Variants in NPL observed in about 807,000 individuals in gnomAD.
NPL encodes the protein N-acetylneuraminate lyase.
In NPL, 32 loss-of-function variants were observed where a neutral mutation model predicts 41.1. That is an observed-to-expected ratio of 0.78 (90% CI 0.59 to 1.05). The LOEUF (loss-of-function observed/expected upper bound fraction) is 1.05, where lower values mean the gene tolerates loss of function less well. Ranked by LOEUF, NPL falls within the 50% of genes least tolerant of loss-of-function variation. The probability of loss-of-function intolerance (pLI) is 0.00; values close to 1 mark genes in which losing one functional copy is unlikely to be tolerated. For missense variants in NPL, 321 were observed against 378.4 expected (o/e 0.85, Z 1.26); for synonymous variants, 128 against 134.9 (o/e 0.95, Z 0.35).
Position 182,828,225 on chromosome 1 carries a change from C to G in NPL, c.779-499C>G, listed in dbSNP as rs1024833152. Among the ~76,000 whole-genome samples, 1 of 152,166 alleles carries G rather than the reference C, an allele frequency of 6.6e-6. No individual in the cohort carries two copies. Among genetic ancestry groups the G allele is most frequent in the Non-Finnish European group, 1.5e-5 (1 of 68,026 alleles). ...AAGGCTTCATTTTCCATTCCCATCC[C>G]AGCCGTATAACACCAGCATGAAAAC... On this transcript the variant is annotated intron_variant, in intron 12 of 12. Transcript: ENST00000367553. The surrounding 1 kb of genome is among the most constrained non-coding windows in gnomAD (Gnocchi z 4.0).
chr1:182,816,052 T>C (rs1252356491), intron 7 of NPL, among the ~76,000 whole-genome samples: 1 of 152,226 alleles, frequency 6.6e-6, no homozygotes, highest in Non-Finnish European at 1.5e-5. Flanking sequence ...GTACATAAAA[T>C]TCTCCTATTA....
intron 4 of NPL, among the ~76,000 whole-genome samples, chr1:182,805,076 G>A (rs1666966097): frequency 6.6e-6 from 1 of 152,176 alleles, no homozygotes; most frequent in African/African-American, 2.4e-5. Context: ...GCCACCATAT[G>A]CATGAGACCT....
chr1:182,793,722 T>C (rs1666579065), intron 2 of NPL, among the ~76,000 whole-genome samples: 1 of 152,150 alleles, frequency 6.6e-6, no homozygotes, highest in Non-Finnish European at 1.5e-5. Context: ...GACAGGCTTG[T>C]TTTAGGTGAG....
At chr1:182,826,647 C>T (rs916909522) in intron 12 of NPL, 1 of 152,134 alleles carries the variant, frequency 6.6e-6, no homozygotes, top group Non-Finnish European at 1.5e-5. Context: ...TGTGTGCTGC[C>T]AGTGCTATGA....
chr1:182,800,055 C>G (rs139902998), intron 3 of NPL, among the ~76,000 whole-genome samples: 32 of 152,240 alleles, frequency 2.1e-4, no homozygotes, highest in African/African-American at 7.0e-4. Context: ...TCCATTCTCT[C>G]TAGTGACTTC....
At chr1:182,810,040 C>G (rs1667131490) in intron 5 of NPL, 1 of 152,156 alleles carries the variant, frequency 6.6e-6, no homozygotes, top group African/African-American at 2.4e-5. Context: ...CTGATCATGT[C>G]ACTTCTCAGC....
chr1:182,816,927 G>A, intron 8 of NPL, 121 bp downstream of exon 8: 1 of 743,836 alleles, frequency 1.3e-6, no homozygotes, highest in Non-Finnish European at 2.4e-6. Flanking sequence ...ACCACTGACT[G>A]GGCAGTTCCA....
intron 3 of NPL, among the ~76,000 whole-genome samples, chr1:182,799,186 G>A (rs1666762890): frequency 6.6e-6 from 1 of 152,190 alleles, no homozygotes; most frequent in South Asian, 2.1e-4. Context: ...TCTACCTGCA[G>A]TTTCACAATC....
chr1:182,803,090 T>C (rs776622985), intron 3 of NPL, among the ~76,000 whole-genome samples: 1 of 152,196 alleles, frequency 6.6e-6, no homozygotes, highest in Non-Finnish European at 1.5e-5. Flanking sequence ...CTTATAATAT[T>C]AAGATTGACT....
At chr1:182,819,438 C>G (rs866009119) in intron 10 of NPL, among the ~76,000 whole-genome samples, 1 of 150,124 alleles carries the variant, frequency 6.7e-6, no homozygotes, top group Non-Finnish European at 1.5e-5. Flanking sequence ...AAGAGTGAAA[C>G]TCCATCTCAA....
Position 182,826,037 on chromosome 1 carries a change from C to G in NPL, c.778+217C>G. 4.9e-6 allele frequency: 3 copies of G among 606,732 alleles called. No homozygotes were observed. The South Asian group carries it at 5.8e-5, about 12-fold the overall frequency. The allele number at this position is 606,732 out of a possible 1,614,324, so 37.6% of individuals were successfully genotyped here. A position where few individuals can be genotyped will look rare whatever the true frequency, so the allele number is the denominator to read the frequency against. ...CAACCTTCTCCATTTTAGCACATGCCTACCCCATTTTCCATTCTTTCTCTC... is the reference window on the plus strand; with the variant it reads ...CAACCTTCTCCATTTTAGCACATGCGTACCCCATTTTCCATTCTTTCTCTC... On this transcript the variant is annotated intron_variant, in intron 12 of 12. Coordinates refer to ENST00000367553, the MANE Select transcript of NPL (RefSeq NM_030769.3).
intron 1 of NPL, among the ~76,000 whole-genome samples, 170 bp downstream of exon 1, chr1:182,789,975 G>A (rs192431218): frequency 3.3e-5 from 5 of 152,226 alleles, no homozygotes; most frequent in Admixed American, 6.5e-5. Context: ...TCTGGGGAAG[G>A]TGTGAATGCG....
At chr1:182,814,927 T>G (rs1388401401) in intron 7 of NPL, 69 bp downstream of exon 7, 5 of 1,257,938 alleles carry the variant, frequency 4.0e-6, no homozygotes, top group Non-Finnish European at 5.8e-6. Context: ...TTCAAAATGG[T>G]TATATTTAAT....
intron 3 of NPL, chr1:182,795,631 G>A (rs946178988): frequency 6.6e-6 from 1 of 152,058 alleles, no homozygotes; most frequent in East Asian, 1.9e-4. Context: ...GAAAAATCAC[G>A]TCCTTACTAG....
chr1:182,821,903 C>G (rs1667495935), intron 10 of NPL, among the ~76,000 whole-genome samples: 1 of 152,186 alleles, frequency 6.6e-6, no homozygotes, highest in Admixed American at 6.5e-5. Context: ...CCTTTATCCC[C>G]TTTTGCCTGT....
At chr1:182,792,748 T>C (rs1557938304) in intron 2 of NPL, among the ~76,000 whole-genome samples, 1 of 152,248 alleles carries the variant, frequency 6.6e-6, no homozygotes, top group Non-Finnish European at 1.5e-5. Flanking sequence ...GCTGAGAACA[T>C]GTCTGTTTGC....
chr1:182,802,676 C>T (rs1018211859), intron 3 of NPL, among the ~76,000 whole-genome samples: 1 of 152,218 alleles, frequency 6.6e-6, no homozygotes. Context: ...TTGAATTTCA[C>T]TCTTCATTGC....
At chr1:182,800,459 A>C (rs1371465283) in intron 3 of NPL, among the ~76,000 whole-genome samples, 1 of 146,146 alleles carries the variant, frequency 6.8e-6, no homozygotes, top group Non-Finnish European at 1.5e-5. Context: ...AAAAAAAAAA[A>C]ACGGACAGAA....
Position 182,803,781 on chromosome 1 carries a change from C to T in NPL, c.142+10C>T, listed in dbSNP as rs749833921. On this transcript the variant is annotated intron_variant, in intron 4 of 12. Transcript: ENST00000367553. ...GTGAAGAACATTTTTGGTAAGTCAA[C>T]TCTGGGGATGTCGCTGCATGTCTCC... 6.3e-7 allele frequency: 1 copy of T among 1,586,874 alleles called. No individual in the cohort carries two copies. The highest frequency in any genetic ancestry group is 1.7e-5 in the Admixed American group (1 of 59,998).
Sources: allele counts gnomAD v4.1 joint callset (sites outside exome capture counted in the v4.1 genomes callset), GRCh38; gene constraint gnomAD v4.1.1; non-coding constraint Gnocchi (gnomAD v3.1); transcripts MANE v1.5; gene names NCBI Gene and HGNC (gene_info 2026-07-23, HGNC 2026-07-21).